The following BLTP1 variants were observed in gnomAD, a reference collection of about 807,000 sequenced individuals.
BLTP1 encodes bridge-like lipid transfer protein family member 1.
chr4:122,334,661 T>G, the BLTP1 span: 6 of 1,029,022 alleles, frequency 5.8e-6, no homozygotes, highest in Non-Finnish European at 4.2e-6. Context: ...CATACATTTG[T>G]CAATAATGAC....
chr4:122,334,463 T>G, the BLTP1 span: 3 of 1,612,722 alleles, frequency 1.9e-6, no homozygotes, highest in African/African-American at 2.7e-5. Flanking sequence ...GTGCAACATC[T>G]CCTCCTTCTC....
the BLTP1 span, chr4:122,274,449 G>T: frequency 6.3e-7 from 1 of 1,586,584 alleles, no homozygotes; most frequent in South Asian, 1.2e-5. Context: ...AAGTATGTCA[G>T]TTTTTATTTT....
At chr4:122,165,030 GACT>G in the BLTP1 span, among the ~76,000 whole-genome samples, 3 of 152,058 alleles carry the variant, frequency 2.0e-5, no homozygotes, top group African/African-American at 4.8e-5. Flanking sequence ...GCAAGCCTCA[GACT>G]ACTTCATAGT....
chr4:122,195,658 C>T, the BLTP1 span: 1 of 785,434 alleles, frequency 1.3e-6, no homozygotes, highest in Non-Finnish European at 1.5e-6. Context: ...TTATGTCCTC[C>T]TATCTACCCA....
the BLTP1 span, among the ~76,000 whole-genome samples, chr4:122,184,355 A>G: frequency 4.3e-4 from 65 of 152,220 alleles, no homozygotes; most frequent in African/African-American, 1.5e-3. Flanking sequence ...AAAAGTTTGT[A>G]GGGCTGGGTG....
chr4:122,263,388 T>G, the BLTP1 span: 3 of 1,467,226 alleles, frequency 2.0e-6, no homozygotes, highest in Non-Finnish European at 2.7e-6. Flanking sequence ...AAATTACATT[T>G]TTTTGCTCCT....
chr4:122,170,002 T>A, the BLTP1 span: 2 of 985,180 alleles, frequency 2.0e-6, no homozygotes, highest in East Asian at 2.3e-4. Context: ...ATTGTTGAGA[T>A]GTTTTTGATT....
the BLTP1 span, among the ~76,000 whole-genome samples, chr4:122,358,197 CCTGTGAAGTTCAGAATT>C: frequency 6.6e-6 from 1 of 152,096 alleles, no homozygotes; most frequent in African/African-American, 2.4e-5. Context: ...TCAAGACAAA[CCTGTGAAGTTCAGAATT>C]ATTTTCTAGT....
chr4:122,317,006 T>TC, the BLTP1 span: 1 of 541,114 alleles, frequency 1.8e-6, no homozygotes, highest in Non-Finnish European at 3.1e-6. Flanking sequence ...TGTTTAATAA[T>TC]TTGGTCAAGA....
chr4:122,221,111 A>AACTTAAT, the BLTP1 span: 1 of 915,090 alleles, frequency 1.1e-6, no homozygotes, highest in East Asian at 1.2e-4. Context: ...ATATAAATGG[A>AACTTAAT]ACTTAATACA....
At chr4:122,258,756 T>G in the BLTP1 span, 39 of 1,613,882 alleles carry the variant, frequency 2.4e-5, no homozygotes, top group Non-Finnish European at 3.1e-5. Flanking sequence ...GGCCTCCACC[T>G]GGTAGCTCTG....
chr4:122,254,322 G>A, the BLTP1 span: 5 of 1,610,628 alleles, frequency 3.1e-6, no homozygotes, highest in South Asian at 1.1e-5. Context: ...ACCAATGTGA[G>A]ATCTCACACA....
the BLTP1 span, chr4:122,234,809 T>A: frequency 1.2e-6 from 2 of 1,613,628 alleles, no homozygotes; most frequent in Non-Finnish European, 1.7e-6. Context: ...TCCTGAAGAA[T>A]AAGAGGTGTA....
chr4:122,187,755 A>G, the BLTP1 span: 14 of 1,014,562 alleles, frequency 1.4e-5, no homozygotes, highest in Non-Finnish European at 1.8e-5. Flanking sequence ...CCAGTGGAAT[A>G]GTTTAAATAG....
the BLTP1 span, chr4:122,189,997 T>C: frequency 2.5e-6 from 4 of 1,596,006 alleles, no homozygotes; most frequent in Admixed American, 1.7e-5. Context: ...CACCTTCTTA[T>C]AGACCACCGA....
At chr4:122,190,196 A>G in the BLTP1 span, 1 of 1,322,000 alleles carries the variant, frequency 7.6e-7, no homozygotes, top group Non-Finnish European at 1.0e-6. Flanking sequence ...TTCCAGGCTC[A>G]AACAATCCTC....
chr4:122,207,524 T>TTTTTTTTTC, the BLTP1 span: 1 of 1,511,358 alleles, frequency 6.6e-7, no homozygotes, highest in Non-Finnish European at 8.8e-7. Flanking sequence ...CTTTTTTTTT[T>TTTTTTTTTC]TTTTTTTCTT....
At chr4:122,227,688 A>G in the BLTP1 span, 1 of 160,194 alleles carries the variant, frequency 6.2e-6, no homozygotes, top group Admixed American at 6.5e-5. Context: ...TTATGTCCAA[A>G]AAAAATCTGT....
At chr4:122,246,230 A>G in the BLTP1 span, 2 of 1,608,062 alleles carry the variant, frequency 1.2e-6, no homozygotes, top group African/African-American at 1.3e-5. Flanking sequence ...ACAAGCACAG[A>G]CAAATCTTAC....
Sources: gnomAD v4.1 joint callset for allele counts (sites outside exome capture counted in the v4.1 genomes callset) on GRCh38, gnomAD v4.1.1 for gene constraint, MANE v1.5 for transcripts, NCBI Gene and HGNC (gene_info 2026-07-23, HGNC 2026-07-21) for gene names.